Variants in CTIF observed in about 807,000 individuals in gnomAD.
The protein encoded by CTIF is cap binding complex dependent translation initiation factor, also known as CBP80/20-dependent translation initiation factor.
In CTIF, 21 loss-of-function variants were observed where a neutral mutation model predicts 66.0. That is an observed-to-expected ratio of 0.32 (90% CI 0.23 to 0.46). CTIF has a LOEUF of 0.46. Ranked by LOEUF, CTIF falls within the 20% of genes least tolerant of loss-of-function variation. The pLI is 1.00. For missense variants in CTIF, 739 were observed against 812.7 expected (o/e 0.91, Z 1.10); for synonymous variants, 345 against 326.4 (o/e 1.06, Z -0.62).
chr18:48,669,773 TAAAC>T (rs977219991), intron 5 of CTIF, among the ~76,000 whole-genome samples: 9 of 120,016 alleles, frequency 7.5e-5, no homozygotes, highest in Non-Finnish European at 1.1e-4. Context: ...CACACATTTA[TAAAC>T]AAACAAGCTA....
chr18:48,620,358 T>C (rs975303259), intron 2 of CTIF, among the ~76,000 whole-genome samples: 2 of 152,230 alleles, frequency 1.3e-5, no homozygotes, highest in African/African-American at 4.8e-5. Context: ...TGAAAGATTG[T>C]GAGCTGAGAT....
At chr18:48,755,653 G>C (rs1908284271) in intron 7 of CTIF, 1 of 152,212 alleles carries the variant, frequency 6.6e-6, no homozygotes, top group South Asian at 2.1e-4. Context: ...AAGTGTCAAG[G>C]CAACAGTGCT....
chr18:48,730,918 A>G (rs1275319683), intron 7 of CTIF, among the ~76,000 whole-genome samples: 1 of 152,098 alleles, frequency 6.6e-6, no homozygotes, highest in Non-Finnish European at 1.5e-5. Flanking sequence ...GGACGTTTTC[A>G]TCATGGCAAA....
chr18:48,586,830 A>G (rs1389123094), intron 1 of CTIF, among the ~76,000 whole-genome samples: 1 of 152,186 alleles, frequency 6.6e-6, no homozygotes, highest in Non-Finnish European at 1.5e-5. Context: ...GGCTTGGAAC[A>G]GATTCACTCC....
rs114216374 is a variant in CTIF at position 48,852,838 on chromosome 18, G to A, written c.1528-4750G>A. On this transcript the variant is annotated intron_variant, in intron 10 of 11. Transcript: ENST00000256413. ...GGGTCAGAGGGTTTTGGACACTTCT[G>A]TTGTTGATGATTATCACCAAATTGC... Among the ~76,000 whole-genome samples, 653 of 152,328 alleles carry A rather than the reference G, an allele frequency of 4.3e-3. 6 individuals are homozygous for A. Among genetic ancestry groups the A allele is most frequent in the African/African-American group, 0.015 (609 of 41,572 alleles).
chr18:48,709,597 T>C (rs1444359773), intron 6 of CTIF, among the ~76,000 whole-genome samples: 1 of 152,098 alleles, frequency 6.6e-6, no homozygotes, highest in Non-Finnish European at 1.5e-5. Context: ...CGGCTTCCTG[T>C]CCATTGTCTC....
intron 1 of CTIF, among the ~76,000 whole-genome samples, chr18:48,611,605 C>T (rs770992441): frequency 6.6e-6 from 1 of 152,190 alleles, no homozygotes. Flanking sequence ...CACCTGGGAG[C>T]GTGTTAGGAA....
intron 1 of CTIF, among the ~76,000 whole-genome samples, chr18:48,546,107 T>G (rs551717578): frequency 6.6e-6 from 1 of 152,126 alleles, no homozygotes; most frequent in Non-Finnish European, 1.5e-5. Context: ...GGTAGTTTTG[T>G]TGGGGAGAGA....
chr18:48,597,430 G>GC (rs1568060436), intron 1 of CTIF, among the ~76,000 whole-genome samples: 1 of 152,234 alleles, frequency 6.6e-6, no homozygotes. Flanking sequence ...TGGAGGTGGG[G>GC]CCTGGTGGGA....
chr18:48,707,906 T>C (rs935123900), intron 6 of CTIF, among the ~76,000 whole-genome samples: 2 of 152,154 alleles, frequency 1.3e-5, no homozygotes, highest in African/African-American at 2.4e-5. Flanking sequence ...CAACCACGGA[T>C]CCACTTTCCA....
intron 1 of CTIF, among the ~76,000 whole-genome samples, chr18:48,553,831 A>AT (rs74172102): frequency 0.56 from 82,828 of 146,694 alleles, 26,538 homozygotes; most frequent in East Asian, 0.92. Context: ...AATTTTTTGT[A>AT]TTTTTTTTTT....
At chr18:48,857,555 T>A in intron 10 of CTIF, 33 bp from the exon 11 acceptor site, 1 of 1,593,246 alleles carries the variant, frequency 6.3e-7, no homozygotes, top group Non-Finnish European at 8.5e-7. Flanking sequence ...GCATGTCTCC[T>A]TCAGTGGTGC....
At chr18:48,728,703 CAG>C (rs1568169219) in intron 7 of CTIF, among the ~76,000 whole-genome samples, 1 of 148,168 alleles carries the variant, frequency 6.7e-6, no homozygotes, top group Non-Finnish European at 1.5e-5. Flanking sequence ...GTGCTCATGA[CAG>C]AGTGAGTGGC....
chr18:48,749,697 G>A (rs888998008), intron 7 of CTIF, among the ~76,000 whole-genome samples: 2 of 152,190 alleles, frequency 1.3e-5, no homozygotes, highest in African/African-American at 4.8e-5. Flanking sequence ...CATTTTATAG[G>A]GGAAGAAGCT....
chr18:48,642,151 C>T (rs2090945884), intron 3 of CTIF, among the ~76,000 whole-genome samples: 1 of 152,206 alleles, frequency 6.6e-6, no homozygotes, highest in Non-Finnish European at 1.5e-5. Context: ...TATTGAGTCC[C>T]TGCTGTGAGC....
At chr18:48,774,736 C>T (rs939201753) in intron 9 of CTIF, among the ~76,000 whole-genome samples, 15 of 152,168 alleles carry the variant, frequency 9.9e-5, no homozygotes, top group Non-Finnish European at 1.9e-4. Flanking sequence ...GGAGCCAGCA[C>T]GTCACCATGT....
At chr18:48,637,470 CTG>C (rs1272146145) in intron 3 of CTIF, among the ~76,000 whole-genome samples, 6 of 152,220 alleles carry the variant, frequency 3.9e-5, no homozygotes, top group Non-Finnish European at 8.8e-5. Flanking sequence ...CTATGCCTGT[CTG>C]GAAAGCGGAG....
chr18:48,545,718 A>G (rs2088730412), intron 1 of CTIF, among the ~76,000 whole-genome samples: 1 of 152,176 alleles, frequency 6.6e-6, no homozygotes, highest in Admixed American at 6.5e-5. Flanking sequence ...GCTGCCCTAC[A>G]GACAATGCAC....
intron 9 of CTIF, among the ~76,000 whole-genome samples, chr18:48,809,357 C>T (rs982970490): frequency 2.6e-5 from 4 of 152,030 alleles, no homozygotes; most frequent in Non-Finnish European, 5.9e-5. Context: ...GTGTTGCTGC[C>T]GTTTTTTAAT....
Sources: gnomAD v4.1 joint callset for allele counts (sites outside exome capture counted in the v4.1 genomes callset) on GRCh38, gnomAD v4.1.1 for gene constraint, MANE v1.5 for transcripts, NCBI Gene and HGNC (gene_info 2026-07-23, HGNC 2026-07-21) for gene names.